The following TEX11 variants were observed in gnomAD, a reference collection of about 807,000 sequenced individuals.
TEX11 encodes the protein testis-expressed protein 11.
In TEX11, 7 loss-of-function variants were observed where a neutral mutation model predicts 84.4. The ratio of observed to expected loss-of-function variants is 0.08; its 90% CI spans 0.05 to 0.16. TEX11 has a LOEUF of 0.16. TEX11 is among the 10% of genes least tolerant of loss of function. TEX11 has a pLI of 1.00. For missense variants in TEX11, 551 were observed against 660.5 expected, an observed-to-expected ratio of 0.83 and a Z score of 1.82; for synonymous variants, 264 against 222.8, an observed-to-expected ratio of 1.18 and a Z score of -1.64.
the TEX11 span, among the ~76,000 whole-genome samples, chrX:70,515,092 CACACAG>C: frequency 4.8e-3 from 413 of 86,173 alleles, 4 homozygotes; most frequent in African/African-American, 0.035. Context: ...CACACACACA[CACACAG>C]AAAGAAGGAC....
In TEX11 at chrX:70,759,365, C is replaced by G. The variant is rs190726741; in HGVS notation, c.693-15146G>C. Among the ~76,000 whole-genome samples, 34 of 111,594 alleles carry G rather than the reference C, an allele frequency of 3.0e-4. No homozygotes were observed. In the East Asian group the frequency reaches 8.7e-3, roughly 28 times the overall value. Reference sequence around the variant, plus strand: ...CCTGCTGAACATCGATGCGAAAATCCTCAATAAAATACTGGCAAACCAAAT... The same window carrying G: ...CCTGCTGAACATCGATGCGAAAATCGTCAATAAAATACTGGCAAACCAAAT... On this transcript the variant is annotated intron_variant, in intron 9 of 29. Coordinates refer to ENST00000374333, the MANE Select transcript of TEX11 (RefSeq NM_031276.3).
intron 25 of TEX11, among the ~76,000 whole-genome samples, chrX:70,565,400 T>C (rs1329030647): frequency 9.3e-6 from 1 of 108,079 alleles, no homozygotes; most frequent in Non-Finnish European, 1.9e-5. Context: ...AGAAGCTCTT[T>C]AGTTTAATTA....
chrX:70,744,866 A>T (rs989430484), intron 9 of TEX11, among the ~76,000 whole-genome samples: 3 of 106,044 alleles, frequency 2.8e-5, no homozygotes, highest in Non-Finnish European at 5.8e-5. Context: ...ACTCATCACC[A>T]TGCGTGGCTA....
At chrX:70,516,281 C>T in the TEX11 span, among the ~76,000 whole-genome samples, 22 of 111,875 alleles carry the variant, frequency 2.0e-4, no homozygotes, top group Admixed American at 1.8e-3. Flanking sequence ...TTTAATCCAC[C>T]TTGAATTAAT....
At chrX:70,562,340 G>A (rs1247375742) in intron 25 of TEX11, among the ~76,000 whole-genome samples, 1 of 110,250 alleles carries the variant, frequency 9.1e-6, no homozygotes, top group Non-Finnish European at 1.9e-5. Context: ...TAAGCCCTGT[G>A]GTCTTTATTA....
chrX:70,806,454 A>G (rs2091220131), intron 9 of TEX11, among the ~76,000 whole-genome samples: 1 of 110,902 alleles, frequency 9.0e-6, no homozygotes, highest in Non-Finnish European at 1.9e-5. Context: ...AGATACGAAA[A>G]AAAAAAGAAG....
At chrX:70,784,758 C>A (rs971882382) in intron 9 of TEX11, among the ~76,000 whole-genome samples, 3 of 111,421 alleles carry the variant, frequency 2.7e-5, no homozygotes, top group African/African-American at 9.8e-5. Flanking sequence ...ACCTAGGAAT[C>A]CAACTTACAA....
In TEX11 at chrX:70,567,636, T is replaced by C. The variant is rs757126958; in HGVS notation, c.2141-12836A>G. On this transcript the variant is annotated intron_variant, in intron 25 of 29. Coordinates refer to ENST00000374333, the MANE Select transcript of TEX11 (RefSeq NM_031276.3). Reference sequence around the variant, plus strand: ...TTCTCGTTGGTTTCAAAGAACATCTTTATTTCTGCCTTCGTTTTGTTATGT... The same window carrying C: ...TTCTCGTTGGTTTCAAAGAACATCTCTATTTCTGCCTTCGTTTTGTTATGT... Among the ~76,000 whole-genome samples the C allele has an allele frequency of 7.2e-5, 8 of 111,672 alleles. No individual in the cohort carries two copies. In the South Asian group the frequency reaches 1.9e-3, roughly 27 times the overall value.
chrX:70,604,179 C>G (rs1054998829), intron 24 of TEX11, among the ~76,000 whole-genome samples: 15 of 111,345 alleles, frequency 1.3e-4, no homozygotes, highest in Non-Finnish European at 2.6e-4. Context: ...GATCTCTATT[C>G]ACTAAGATAA....
At chrX:70,701,570 C>T (rs1038894278) in intron 13 of TEX11, among the ~76,000 whole-genome samples, 1 of 112,263 alleles carries the variant, frequency 8.9e-6, no homozygotes, top group Non-Finnish European at 1.9e-5. Flanking sequence ...TTCATGCCTG[C>T]TAATACAACA....
intron 2 of TEX11, among the ~76,000 whole-genome samples, chrX:70,907,230 A>G (rs1289442374): frequency 9.0e-6 from 1 of 110,910 alleles, no homozygotes; most frequent in African/African-American, 3.3e-5. Context: ...TTTATTTTGC[A>G]TGCCATAAAA....
In TEX11 at chrX:70,699,024, T is replaced by C. The variant is rs143700085; in HGVS notation, c.1005-16199A>G. Among the ~76,000 whole-genome samples, 332 of 111,620 alleles carry C rather than the reference T, an allele frequency of 3.0e-3. 1 individual carries two copies. The highest frequency in any genetic ancestry group is 0.01 in the African/African-American group (309 of 30,781). On this transcript the variant is annotated intron_variant, in intron 13 of 29. Coordinates refer to ENST00000374333, the MANE Select transcript of TEX11 (RefSeq NM_031276.3). ...ACAATGCATGACTTCTAATAAGACA[T>C]AAGCCTTGCAGTATCTGCCTGGTCT...
chrX:70,692,269 GT>G (rs1227530431), intron 13 of TEX11, among the ~76,000 whole-genome samples: 1 of 110,997 alleles, frequency 9.0e-6, no homozygotes, highest in African/African-American at 3.3e-5. Flanking sequence ...TTTTTCTTTT[GT>G]TTTTTGGTGT....
chrX:70,555,186 G>A (rs866071936), intron 25 of TEX11, among the ~76,000 whole-genome samples: 4 of 111,642 alleles, frequency 3.6e-5, no homozygotes, highest in Non-Finnish European at 3.8e-5. Context: ...TCTAATGGCC[G>A]AGTTAACCAG....
intron 9 of TEX11, among the ~76,000 whole-genome samples, chrX:70,762,074 A>T (rs2090912350): frequency 8.9e-6 from 1 of 112,016 alleles, no homozygotes; most frequent in East Asian, 2.8e-4. Context: ...TCCTTTAAAC[A>T]TGAAGGAGAA....
At chrX:70,811,475 G>C (rs190636780) in intron 8 of TEX11, among the ~76,000 whole-genome samples, 1 of 111,610 alleles carries the variant, frequency 9.0e-6, no homozygotes, top group Non-Finnish European at 1.9e-5. Context: ...GAATAGTGCC[G>C]CAATAAACAT....
In TEX11 at chrX:70,861,402, A is replaced by T. The variant is rs1294782726; in HGVS notation, c.245-466T>A. Among the ~76,000 whole-genome samples, 4 of 110,356 alleles carry T rather than the reference A, an allele frequency of 3.6e-5. No homozygotes were observed. The Admixed American group carries it at 3.9e-4, about 11-fold the overall frequency. ...AAAAATCAATTTTCAAAAGTAAATG[A>T]CCTAAAACTTATTAAATGAATCATT... On this transcript the variant is annotated intron_variant, in intron 4 of 29. Coordinates refer to ENST00000374333, the MANE Select transcript of TEX11 (RefSeq NM_031276.3).
chrX:70,753,158 C>T (rs1250025510), intron 9 of TEX11, among the ~76,000 whole-genome samples: 1 of 91,731 alleles, frequency 1.1e-5, no homozygotes, highest in Non-Finnish European at 2.1e-5. Context: ...CTAAGAGAGT[C>T]CTAGTGCTGA....
At chrX:70,758,907 A>G (rs1275203651) in intron 9 of TEX11, among the ~76,000 whole-genome samples, 6 of 111,947 alleles carry the variant, frequency 5.4e-5, no homozygotes, top group Admixed American at 1.9e-4. Context: ...AGAATCAAAT[A>G]GACACAATAA....
Sources: gnomAD v4.1 joint callset for allele counts (sites outside exome capture counted in the v4.1 genomes callset) on GRCh38, gnomAD v4.1.1 for gene constraint, MANE v1.5 for transcripts, NCBI Gene and HGNC (gene_info 2026-07-23, HGNC 2026-07-21) for gene names.